The following HEATR1 variants were observed in gnomAD, a reference collection of about 807,000 sequenced individuals.
HEATR1 encodes the protein HEAT repeat-containing protein 1.
HEATR1 carries 77 observed loss-of-function variants against 248.2 expected under a neutral mutation model. The ratio of observed to expected loss-of-function variants is 0.31; its 90% CI spans 0.26 to 0.37. The LOEUF is 0.37. Among genes scored for constraint, HEATR1 ranks in the 10% least tolerant of loss-of-function variants. The probability of loss-of-function intolerance (pLI) is 1.00; values close to 1 mark genes in which losing one functional copy is unlikely to be tolerated. For synonymous variants in HEATR1, 897 were observed against 923.1 expected, an observed-to-expected ratio of 0.97 and a Z score of 0.51; for missense variants, 2,420 against 2,504.9, an observed-to-expected ratio of 0.97 and a Z score of 0.72.
intron 30 of HEATR1, among the ~76,000 whole-genome samples, chr1:236,566,290 C>T (rs1663268410): frequency 6.6e-6 from 1 of 152,150 alleles, no homozygotes; most frequent in South Asian, 2.1e-4. Context: ...GACACGGACG[C>T]TCCTCTATTT....
chr1:236,575,415 T>C (rs1663539535), intron 22 of HEATR1, among the ~76,000 whole-genome samples: 1 of 152,242 alleles, frequency 6.6e-6, no homozygotes, highest in Non-Finnish European at 1.5e-5. Flanking sequence ...GTTTACACCC[T>C]GTCTGTGGCT....
Position 236,556,183 on chromosome 1 carries a change from T to C in HEATR1, c.5431A>G (p.Lys1811Glu), listed in dbSNP as rs1478167017. ...GGTGCAAGTGTGGTAGCCAGTGTCT[T>C]TTTAAGAGATGTGAGACGGATATTA... ...QANIRLTSLK[K>E]TLATTLAPRV... Residue 1811 changes from lysine (K) to glutamate (E), a missense_variant, in exon 38 of 45, where the codon AAG becomes GAG. Lys to Glu is a moderately conservative substitution (Grantham distance 56, BLOSUM62 1). Coordinates refer to ENST00000366582, the MANE Select transcript of HEATR1 (RefSeq NM_018072.6). The C allele has an allele frequency of 1.2e-6, 2 of 1,613,970 alleles. No individual in the cohort carries two copies. Among genetic ancestry groups the C allele is most frequent in the Non-Finnish European group, 1.7e-6 (2 of 1,180,026 alleles).
In HEATR1 at chr1:236,596,910, T is replaced by C. The variant is rs982146643; in HGVS notation, c.670A>G (p.Ile224Val). 9 of 1,613,970 alleles carry C rather than the reference T, an allele frequency of 5.6e-6. No homozygotes were observed. The highest frequency in any genetic ancestry group is 3.3e-5 in the Admixed American group (2 of 59,988). ...RVLLAFYASTIVSALVAAEDV... is the reference protein window; with the variant it reads ...RVLLAFYASTVVSALVAAEDV... ...TCTGCAGCTACCAGCGCCGACACTATGGTAGAAGCATAGAAAGCCAAGAGC... is the reference window on the plus strand; with the variant it reads ...TCTGCAGCTACCAGCGCCGACACTACGGTAGAAGCATAGAAAGCCAAGAGC... Residue 224 changes from isoleucine to valine, a missense_variant, in exon 6 of 45, where the codon ATA (isoleucine) becomes GTA (valine). Physicochemically the swap from Ile to Val is conservative, Grantham distance 29. Transcript: ENST00000366582.
chr1:236,569,492 C>A (rs1173186123), intron 28 of HEATR1, among the ~76,000 whole-genome samples: 10 of 152,120 alleles, frequency 6.6e-5, no homozygotes, highest in Non-Finnish European at 1.5e-4. Context: ...TTACAACTCA[C>A]CAATAAAAAG....
At chr1:236,600,118 A>ATTTTTTTT (rs67344658) in intron 3 of HEATR1, among the ~76,000 whole-genome samples, 4 of 50,286 alleles carry the variant, frequency 8.0e-5, no homozygotes, top group African/African-American at 1.6e-4. Context: ...GTCTGTCAAC[A>ATTTTTTTT]TTTTTTTTTT....
At chr1:236,585,358 T>A in intron 16 of HEATR1, 142 bp from the exon 17 acceptor site, 1 of 579,512 alleles carries the variant, frequency 1.7e-6, no homozygotes, top group Non-Finnish European at 2.8e-6. Context: ...TACTAAGCAC[T>A]GATTTCTAAG....
chr1:236,554,562 C>A, intron 42 of HEATR1, 36 bp downstream of exon 42: 1 of 1,601,090 alleles, frequency 6.2e-7, no homozygotes, highest in Non-Finnish European at 8.5e-7. Flanking sequence ...ACAGTGATGG[C>A]TTCCTCAGCA....
At chr1:236,555,236 T>C (rs995165039) in intron 41 of HEATR1, 60 bp downstream of exon 41, 13 of 1,549,368 alleles carry the variant, frequency 8.4e-6, no homozygotes, top group Admixed American at 1.8e-5. Context: ...TGTGTCTTAC[T>C]GGTACCTTGT....
chr1:236,603,485 T>G lies in HEATR1; in HGVS notation c.143-109A>C, dbSNP rs143835054. On this transcript the variant is annotated intron_variant, in intron 2 of 44. Transcript: ENST00000366582. ...CTAAGAAGTTTCTGAATTCTTTAAG[T>G]ACATATAATTTATAATACAGTCCCA... is the stretch of plus-strand genomic sequence containing the variant. The G allele has an allele frequency of 2.0e-5, 16 of 785,892 alleles. No individual in the cohort carries two copies. In the African/African-American group the frequency reaches 2.6e-4, roughly 13 times the overall value. 48.7% of individuals were successfully genotyped at this position (785,892 alleles called of 1,614,324 possible). A position where few individuals can be genotyped will look rare whatever the true frequency, so the allele number is the denominator to read the frequency against.
intron 4 of HEATR1, among the ~76,000 whole-genome samples, chr1:236,598,719 G>A (rs1376777350): frequency 3.3e-5 from 5 of 152,004 alleles, no homozygotes; most frequent in Non-Finnish European, 5.9e-5. Context: ...TCTGAACACT[G>A]ACCCCACTAC....
At chr1:236,590,156 G>A (rs1420231852) in intron 12 of HEATR1, among the ~76,000 whole-genome samples, 2 of 152,092 alleles carry the variant, frequency 1.3e-5, no homozygotes, top group East Asian at 1.9e-4. Flanking sequence ...CAAAATCATG[G>A]AACAGTGTTC....
Position 236,585,199 on chromosome 1 carries a change from G to A in HEATR1, c.2067C>T (p.Ser689=), listed in dbSNP as rs372582185. The change falls in exon 17 of 45, where the codon AGC becomes AGT. Residue 689 remains serine (S), a synonymous_variant. Transcript: ENST00000366582. The part of the protein sequence containing the change: ...SMLKMVEDLI[S]VGEEESFNLK... ...GGTTAAAGGACTCCTCCTCACCCAC[G>A]CTTATTAAATCCTCCACCTTGAAAA... 6.8e-6 allele frequency: 11 copies of A among 1,609,886 alleles called. No individual in the cohort carries two copies. The highest frequency in any genetic ancestry group is 2.7e-5 in the African/African-American group (2 of 74,614).
chr1:236,566,246 C>T (rs1329492795), intron 30 of HEATR1, among the ~76,000 whole-genome samples: 3 of 152,164 alleles, frequency 2.0e-5, no homozygotes, highest in African/African-American at 7.2e-5. Flanking sequence ...TTTATCCAAA[C>T]AATCACCTGT....
chr1:236,560,881 C>T (rs1036676064), intron 33 of HEATR1, among the ~76,000 whole-genome samples: 13 of 152,204 alleles, frequency 8.5e-5, no homozygotes, highest in African/African-American at 2.6e-4. Flanking sequence ...GAAACACATG[C>T]GGTGTAAAGG....
chr1:236,579,818 GCT>G (rs1663660528), intron 20 of HEATR1, among the ~76,000 whole-genome samples: 1 of 151,842 alleles, frequency 6.6e-6, no homozygotes, highest in African/African-American at 2.4e-5. Context: ...GTAATTATGT[GCT>G]CTTTCAAAGA....
chr1:236,596,474 G>A (rs1016964012), intron 6 of HEATR1, among the ~76,000 whole-genome samples: 4 of 152,186 alleles, frequency 2.6e-5, no homozygotes, highest in African/African-American at 9.7e-5. Flanking sequence ...AGGCACTTGG[G>A]AAGGAGAAAC....
At chr1:236,553,922 A>T (rs1028331768) in intron 42 of HEATR1, among the ~76,000 whole-genome samples, 183 bp from the exon 43 acceptor site, 3 of 152,112 alleles carry the variant, frequency 2.0e-5, no homozygotes, top group Non-Finnish European at 4.4e-5. Flanking sequence ...GGAATCTCAT[A>T]CCCTTTATCA....
intron 35 of HEATR1, among the ~76,000 whole-genome samples, 175 bp from the exon 36 acceptor site, chr1:236,558,704 C>A (rs1035570090): frequency 6.6e-6 from 1 of 152,168 alleles, no homozygotes; most frequent in Non-Finnish European, 1.5e-5. Context: ...ATACAAAGCA[C>A]CCACTGATCT....
At position 236,592,638 on chromosome 1, in the gene HEATR1, A is replaced by C. The variant is rs765247290; in HGVS notation, c.1194-5T>G. On this transcript the variant is annotated splice_polypyrimidine_tract_variant and splice_region_variant and intron_variant, in intron 9 of 44. Transcript: ENST00000366582. ...ATATACTCTTCAAATAGAAGGCTGT[A>C]AAAAAAAAAACAGAAATATCAGCAT... 2 of 93,614 alleles carry C rather than the reference A, an allele frequency of 2.1e-5. No individual in the cohort carries two copies. The highest frequency in any genetic ancestry group is 2.1e-4 in the South Asian group (2 of 9,444). The allele number at this position is 93,614 out of a possible 1,614,324, so 5.8% of individuals were successfully genotyped here. A position where few individuals can be genotyped will look rare whatever the true frequency, so the allele number is the denominator to read the frequency against.
Sources: allele counts gnomAD v4.1 joint callset (sites outside exome capture counted in the v4.1 genomes callset), GRCh38; gene constraint gnomAD v4.1.1; transcripts MANE v1.5; gene names NCBI Gene and HGNC (gene_info 2026-07-23, HGNC 2026-07-21).